Variants in SH3PXD2A observed in about 807,000 individuals in gnomAD.
The protein encoded by SH3PXD2A is SH3 and PX domain-containing protein 2A.
Under a neutral mutation model 115.2 loss-of-function variants are expected in SH3PXD2A, and 32 were observed. The observed-to-expected ratio is 0.28, with a 90% CI of 0.21 to 0.37. The LOEUF is 0.37. Among genes scored for constraint, SH3PXD2A ranks in the 10% least tolerant of loss-of-function variants. SH3PXD2A has a pLI of 1.00. For missense variants in SH3PXD2A, 1,328 were observed against 1,498.7 expected (o/e 0.89, Z 1.88); for synonymous variants, 610 against 629.1 (o/e 0.97, Z 0.45).
intron 7 of SH3PXD2A, among the ~76,000 whole-genome samples, chr10:103,662,315 TC>T (rs1220690504): frequency 9.2e-6 from 1 of 108,914 alleles, no homozygotes; most frequent in Non-Finnish European, 1.7e-5. Context: ...CCTCTGCACT[TC>T]AACTCTTCCC....
intron 5 of SH3PXD2A, among the ~76,000 whole-genome samples, chr10:103,717,690 G>A (rs1320655895): frequency 6.6e-6 from 1 of 152,214 alleles, no homozygotes; most frequent in Non-Finnish European, 1.5e-5. Context: ...TATTTCCACT[G>A]GATGAGAATT....
chr10:103,625,577 G>A (rs1275064579), intron 9 of SH3PXD2A, among the ~76,000 whole-genome samples: 1 of 152,186 alleles, frequency 6.6e-6, no homozygotes, highest in Non-Finnish European at 1.5e-5. Context: ...GTTTTTGAGA[G>A]GCCCTGGCAT....
At chr10:103,743,026 TAA>T (rs1272187097) in intron 3 of SH3PXD2A, among the ~76,000 whole-genome samples, 1 of 151,874 alleles carries the variant, frequency 6.6e-6, no homozygotes, top group Non-Finnish European at 1.5e-5. Context: ...GAGGAGAAGT[TAA>T]GTTTCCTACT....
At chr10:103,724,500 C>A in intron 4 of SH3PXD2A, 139 bp from the exon 5 acceptor site, 1 of 529,412 alleles carries the variant, frequency 1.9e-6, no homozygotes. Context: ...CAGCCACCCA[C>A]CTGTCCACCC....
intron 4 of SH3PXD2A, among the ~76,000 whole-genome samples, chr10:103,729,519 G>A (rs532724965): frequency 6.6e-5 from 10 of 152,376 alleles, no homozygotes; most frequent in Admixed American, 2.0e-4. Context: ...TCAGGTTGGA[G>A]AAGGGCTGAA....
intron 2 of SH3PXD2A, among the ~76,000 whole-genome samples, chr10:103,800,019 CCCAAGATGACCTCT>C (rs1161188340): frequency 6.6e-6 from 1 of 152,112 alleles, no homozygotes; most frequent in African/African-American, 2.4e-5. Flanking sequence ...GCACACGGTA[CCCAAGATGACCTCT>C]CCAAGATGAC....
chr10:103,639,192 T>C (rs1048337894), intron 8 of SH3PXD2A, among the ~76,000 whole-genome samples: 2 of 152,052 alleles, frequency 1.3e-5, no homozygotes, highest in South Asian at 2.1e-4. Context: ...ACCAGAGATA[T>C]CCAGAGATGA....
At chr10:103,745,144 C>G (rs1464367293) in intron 3 of SH3PXD2A, among the ~76,000 whole-genome samples, 4 of 152,346 alleles carry the variant, frequency 2.6e-5, no homozygotes, top group South Asian at 2.1e-4. Flanking sequence ...AAGCCCCAAG[C>G]TGCTAGGAAG....
At position 103,623,901 on chromosome 10, in the gene SH3PXD2A, G is replaced by C. The variant is rs1399608093; in HGVS notation, c.719-1348C>G. ...GATGAAGGGGTTCAGCTCATGGCCA[G>C]ACCAGAGGCAGCTTTCACAGTAAGG... is the stretch of plus-strand genomic sequence containing the variant. On this transcript the variant is annotated intron_variant, in intron 9 of 14. Transcript: ENST00000369774. Among the ~76,000 whole-genome samples, 6 of 152,362 alleles carry C rather than the reference G, an allele frequency of 3.9e-5. No homozygotes were observed. In the East Asian group the frequency reaches 1.2e-3, roughly 29 times the overall value.
chr10:103,831,199 T>C (rs1272703703), intron 1 of SH3PXD2A, among the ~76,000 whole-genome samples: 1 of 152,266 alleles, frequency 6.6e-6, no homozygotes, highest in Non-Finnish European at 1.5e-5. Flanking sequence ...ACTTCTTGTT[T>C]TTTCATTCAA....
intron 2 of SH3PXD2A, among the ~76,000 whole-genome samples, chr10:103,791,756 A>C (rs942982635): frequency 6.6e-6 from 1 of 151,864 alleles, no homozygotes; most frequent in Non-Finnish European, 1.5e-5. Flanking sequence ...CTAAACCCAC[A>C]AGGTTGGGAA....
chr10:103,734,463 A>G (rs1004098386), intron 4 of SH3PXD2A, among the ~76,000 whole-genome samples: 10 of 152,234 alleles, frequency 6.6e-5, no homozygotes, highest in Non-Finnish European at 1.3e-4. Context: ...CATGTTAAAA[A>G]TATGGCTGGG....
intron 3 of SH3PXD2A, among the ~76,000 whole-genome samples, chr10:103,738,905 C>T (rs2038411420): frequency 6.6e-6 from 1 of 152,054 alleles, no homozygotes; most frequent in Non-Finnish European, 1.5e-5. Flanking sequence ...AGCAATTCTC[C>T]TACTTCAGCC....
chr10:103,794,643 C>G (rs957555088), intron 2 of SH3PXD2A, among the ~76,000 whole-genome samples: 2 of 152,242 alleles, frequency 1.3e-5, no homozygotes, highest in Non-Finnish European at 2.9e-5. Flanking sequence ...TCCAAGCAAC[C>G]CAGGCCCTTA....
At chr10:103,836,709 CTT>C (rs1268255524) in intron 1 of SH3PXD2A, among the ~76,000 whole-genome samples, 8 of 74,116 alleles carry the variant, frequency 1.1e-4, no homozygotes, top group East Asian at 6.4e-4. Context: ...ACACACACCC[CTT>C]CTTTTCTCCC....
rs571757443 is a variant in SH3PXD2A, at chr10:103,778,313, T to C, written c.154-11144A>G. On this transcript the variant is annotated intron_variant, in intron 2 of 14. Transcript: ENST00000369774. ...TGCCACTGCACTCCAGCCTGGGCGA[T>C]AGAGCGAGACTCCGTCTCCAGAAAA... is the stretch of plus-strand genomic sequence containing the variant. Among the ~76,000 whole-genome samples the C allele has an allele frequency of 9.1e-4, 138 of 151,972 alleles. 1 individual carries two copies. Among genetic ancestry groups the C allele is most frequent in the Non-Finnish European group, 1.8e-4 (12 of 67,950 alleles).
chr10:103,770,742 G>A (rs570434684), intron 2 of SH3PXD2A, among the ~76,000 whole-genome samples: 5 of 152,140 alleles, frequency 3.3e-5, no homozygotes, highest in African/African-American at 9.7e-5. Context: ...CCAGCTCCGG[G>A]GCTCTGCTGG....
At chr10:103,772,516 G>T (rs1361444680) in intron 2 of SH3PXD2A, among the ~76,000 whole-genome samples, 1 of 152,252 alleles carries the variant, frequency 6.6e-6, no homozygotes, top group Non-Finnish European at 1.5e-5. Flanking sequence ...GTCCTGGCTG[G>T]AGTGAGAGGC....
intron 13 of SH3PXD2A, among the ~76,000 whole-genome samples, chr10:103,608,327 C>T (rs1470784831): frequency 1.0e-4 from 15 of 149,318 alleles, no homozygotes; most frequent in Admixed American, 4.0e-4. Flanking sequence ...CTGATCTCCT[C>T]GCCCCTAGAA....
Sources: gnomAD v4.1 joint callset for allele counts (sites outside exome capture counted in the v4.1 genomes callset) on GRCh38, gnomAD v4.1.1 for gene constraint, MANE v1.5 for transcripts, NCBI Gene and HGNC (gene_info 2026-07-23, HGNC 2026-07-21) for gene names.